PDGFC: variants seen among roughly 807,000 people sequenced by gnomAD.
PDGFC encodes platelet-derived growth factor C.
Under a neutral mutation model 35.5 loss-of-function variants are expected in PDGFC, and 12 were observed. The observed-to-expected ratio is 0.34, with a 90% CI of 0.22 to 0.55. PDGFC has a LOEUF of 0.55. Among genes scored for constraint, PDGFC ranks in the 20% least tolerant of loss-of-function variants. The pLI, the probability that PDGFC is intolerant of heterozygous loss-of-function variation, is 0.91. For synonymous variants in PDGFC, 159 were observed against 148.8 expected (o/e 1.07, Z -0.50); for missense variants, 322 against 412.4 (o/e 0.78, Z 1.90).
chr4:156,882,389 G>A lies in PDGFC; in HGVS notation c.119-31973C>T, dbSNP rs140020724. On this transcript the variant is annotated intron_variant, in intron 1 of 5. Transcript: ENST00000502773. Reference sequence around the variant, plus strand: ...AAAAAGTAAAAATAACAAAAATATAGCTCATCACAGAATCTACCTTATGTG... The same window carrying A: ...AAAAAGTAAAAATAACAAAAATATAACTCATCACAGAATCTACCTTATGTG... Among the ~76,000 whole-genome samples, 742 of 152,128 alleles carry A rather than the reference G, an allele frequency of 4.9e-3. 15 individuals are homozygous for A. The highest frequency in any genetic ancestry group is 0.038 in the Admixed American group (586 of 15,278).
At chr4:156,891,295 A>G (rs938245439) in intron 1 of PDGFC, among the ~76,000 whole-genome samples, 1 of 49,690 alleles carries the variant, frequency 2.0e-5, no homozygotes, top group Non-Finnish European at 3.4e-5. Flanking sequence ...AAAAAAAAAA[A>G]AAAAAAAAAA....
chr4:156,847,988 C>T, intron 2 of PDGFC, among the ~76,000 whole-genome samples: 1 of 151,692 alleles, frequency 6.6e-6, no homozygotes, highest in Admixed American at 6.6e-5. Flanking sequence ...ATAAATGATG[C>T]TGGCATACTA....
At chr4:156,901,540 T>A (rs115192324) in intron 1 of PDGFC, among the ~76,000 whole-genome samples, 2,480 of 152,160 alleles carry the variant, frequency 0.016, 72 homozygotes, top group African/African-American at 0.057. Flanking sequence ...CCTACCTATT[T>A]CTTATATATT....
In PDGFC at chr4:156,916,135, C is replaced by T. The variant is rs144405661; in HGVS notation, c.118+54651G>A. On this transcript the variant is annotated intron_variant, in intron 1 of 5. Transcript: ENST00000502773. ...ATCCTAATTATAAACCTCCTTTCTCCTATTTCATTCATGAACAAAATTCTA... is the reference window on the plus strand; with the variant it reads ...ATCCTAATTATAAACCTCCTTTCTCTTATTTCATTCATGAACAAAATTCTA... 9.2e-5 allele frequency among the ~76,000 whole-genome samples: 14 copies of T among 152,212 alleles called. 1 individual carries two copies. The East Asian group carries it at 2.5e-3, about 27-fold the overall frequency.
intron 1 of PDGFC, among the ~76,000 whole-genome samples, chr4:156,867,820 T>G (rs1469137108): frequency 6.6e-6 from 1 of 152,190 alleles, no homozygotes; most frequent in Non-Finnish European, 1.5e-5. Context: ...TAAGAATTTA[T>G]GTAAGTGTAA....
intron 1 of PDGFC, chr4:156,876,404 A>C (rs1336001937): frequency 6.6e-6 from 1 of 152,212 alleles, no homozygotes; most frequent in Non-Finnish European, 1.5e-5. Context: ...ACAACAGCTA[A>C]TATTAATTGT....
chr4:156,942,158 G>A (rs549341631), intron 1 of PDGFC, among the ~76,000 whole-genome samples: 4 of 152,180 alleles, frequency 2.6e-5, no homozygotes, highest in African/African-American at 9.6e-5. Flanking sequence ...CATGTTCTCA[G>A]TGGAGAGCAT....
intron 1 of PDGFC, among the ~76,000 whole-genome samples, chr4:156,865,504 G>T (rs1326576025): frequency 1.3e-5 from 2 of 152,076 alleles, no homozygotes; most frequent in African/African-American, 4.8e-5. Flanking sequence ...TAGTTTTTAA[G>T]GGAAAATGAC....
chr4:156,777,572 T>C (rs56337355), intron 3 of PDGFC, among the ~76,000 whole-genome samples: 22,385 of 151,760 alleles, frequency 0.15, 1,675 homozygotes, highest in South Asian at 0.23. Flanking sequence ...AGGAGAGAGG[T>C]GTCAGAAGAA....
chr4:156,822,771 A>ATTTT (rs1464033292), intron 2 of PDGFC, among the ~76,000 whole-genome samples: 9 of 151,830 alleles, frequency 5.9e-5, no homozygotes, highest in African/African-American at 2.2e-4. Context: ...TTATTTATTT[A>ATTTT]TTTTTTTGAG....
rs116314076 is a variant in PDGFC, at chr4:156,818,875, G to A, written c.315-7858C>T. The stretch of plus-strand genomic sequence containing the variant: ...TTGAACTCTTAGAGGCCATTTTAGC[G>A]TTAATTGGCCTTGTTCCAATATTCT... On this transcript the variant is annotated intron_variant, in intron 2 of 5. Coordinates refer to ENST00000502773, the MANE Select transcript of PDGFC (RefSeq NM_016205.3). 2.2e-3 allele frequency among the ~76,000 whole-genome samples: 336 copies of A among 152,240 alleles called. 1 individual carries two copies. Among genetic ancestry groups the A allele is most frequent in the African/African-American group, 7.8e-3 (323 of 41,536 alleles).
chr4:156,900,840 G>A (rs985172599), intron 1 of PDGFC, among the ~76,000 whole-genome samples: 2 of 147,396 alleles, frequency 1.4e-5, no homozygotes, highest in Admixed American at 6.8e-5. Flanking sequence ...GTCTCAAAAA[G>A]GAATGAAAGG....
intron 1 of PDGFC, among the ~76,000 whole-genome samples, chr4:156,887,569 C>T (rs1730404290): frequency 6.6e-6 from 1 of 151,962 alleles, no homozygotes; most frequent in African/African-American, 2.4e-5. Flanking sequence ...TGTAGGAGTC[C>T]AGGTTGATTG....
At chr4:156,810,351 A>T (rs193277890) in intron 3 of PDGFC, among the ~76,000 whole-genome samples, 2 of 152,074 alleles carry the variant, frequency 1.3e-5, no homozygotes, top group Admixed American at 6.6e-5. Flanking sequence ...AAACTGATCA[A>T]AATTCACAAT....
At chr4:156,794,189 C>T (rs781635566) in intron 3 of PDGFC, among the ~76,000 whole-genome samples, 9 of 152,114 alleles carry the variant, frequency 5.9e-5, no homozygotes, top group African/African-American at 9.7e-5. Context: ...GCGTTGCTGA[C>T]ACACTGGGAA....
chr4:156,776,586 GGACA>G (rs1460127809), intron 3 of PDGFC, among the ~76,000 whole-genome samples: 1 of 152,194 alleles, frequency 6.6e-6, no homozygotes, highest in Non-Finnish European at 1.5e-5. Context: ...TACTTTGTAA[GGACA>G]GGTTGTCAAA....
chr4:156,826,841 TATACAA>T (rs1560829181), intron 2 of PDGFC, among the ~76,000 whole-genome samples: 2 of 152,166 alleles, frequency 1.3e-5, no homozygotes, highest in Non-Finnish European at 2.9e-5. Context: ...TTCATTTATA[TATACAA>T]ATTTAGGTCT....
rs146466077 is a variant in PDGFC, at chr4:156,913,741, A to G, written c.118+57045T>C. ...ATATGAAGTGCCTCTCCTCTGCATT[A>G]CACAGCTACAGCAGATTTAGGAATG... On this transcript the variant is annotated intron_variant, in intron 1 of 5. Transcript: ENST00000502773. Among the ~76,000 whole-genome samples, 466 of 152,270 alleles carry G rather than the reference A, an allele frequency of 3.1e-3. 3 individuals are homozygous for G. The highest frequency in any genetic ancestry group is 0.011 in the African/African-American group (454 of 41,550).
At chr4:156,956,273 C>A (rs1732207155) in intron 1 of PDGFC, among the ~76,000 whole-genome samples, 2 of 152,098 alleles carry the variant, frequency 1.3e-5, no homozygotes, top group South Asian at 2.1e-4. Context: ...GGGGTGACAG[C>A]ACAGTAGCCA....
Sources: allele counts gnomAD v4.1 joint callset (sites outside exome capture counted in the v4.1 genomes callset), GRCh38; gene constraint gnomAD v4.1.1; transcripts MANE v1.5; gene names NCBI Gene and HGNC (gene_info 2026-07-23, HGNC 2026-07-21).